EGLN1: variants seen among roughly 807,000 people sequenced by gnomAD.
EGLN1 encodes the protein egl-9 family hypoxia inducible factor 1.
Under a neutral mutation model 38.3 loss-of-function variants are expected in EGLN1, and 17 were observed. The observed-to-expected ratio is 0.44, with a 90% confidence interval of 0.30 to 0.67. The LOEUF (loss-of-function observed/expected upper bound fraction) is 0.67, where lower values mean the gene tolerates loss of function less well. Among genes scored for constraint, EGLN1 ranks in the 30% least tolerant of loss-of-function variants. The pLI, the probability that EGLN1 is intolerant of heterozygous loss-of-function variation, is 0.08. For missense variants in EGLN1, 477 were observed against 603.3 expected, an observed-to-expected ratio of 0.79 and a Z score of 2.19; for synonymous variants, 283 against 257.5, an observed-to-expected ratio of 1.10 and a Z score of -0.95.
chr1:231,387,417 T>G (rs1688249149), intron 1 of EGLN1, among the ~76,000 whole-genome samples: 1 of 150,458 alleles, frequency 6.6e-6, no homozygotes, highest in Non-Finnish European at 1.5e-5. Context: ...TGGAGTGCAG[T>G]GGCTTGATCT....
intron 1 of EGLN1, among the ~76,000 whole-genome samples, chr1:231,407,589 T>C (rs1023432252): frequency 6.6e-6 from 1 of 152,176 alleles, no homozygotes; most frequent in African/African-American, 2.4e-5. Flanking sequence ...TTATGTCTAT[T>C]ATGCTGTTTT....
At chr1:231,384,615 G>A (rs1688151208) in intron 1 of EGLN1, among the ~76,000 whole-genome samples, 1 of 152,102 alleles carries the variant, frequency 6.6e-6, no homozygotes, top group Non-Finnish European at 1.5e-5. Context: ...AGGGAGGAAA[G>A]CAGACAACAG....
At chr1:231,411,353 CTG>C (rs1318694946) in intron 1 of EGLN1, among the ~76,000 whole-genome samples, 1 of 152,210 alleles carries the variant, frequency 6.6e-6, no homozygotes, top group Non-Finnish European at 1.5e-5. Context: ...CCATGTGGAA[CTG>C]TGAGTCAATT....
At chr1:231,389,382 T>C (rs998905177) in intron 1 of EGLN1, among the ~76,000 whole-genome samples, 23 of 152,064 alleles carry the variant, frequency 1.5e-4, no homozygotes, top group African/African-American at 4.1e-4. Context: ...TGGGGACACA[T>C]TAGAGGGCGA....
chr1:231,421,949 C>G lies in EGLN1; in HGVS notation c.-61G>C. On this transcript the variant is annotated 5_prime_UTR_variant, in exon 1 of 5. Transcript: ENST00000366641. The surrounding 1 kb of genome is among the most constrained non-coding windows in gnomAD (Gnocchi z 5.5). ...CCGAGCAGGAGGGGTAGCGGCCGGA[C>G]GGCCTCGCCCGAGGCTGGGGAGCGG... 2 of 1,332,502 alleles carry G rather than the reference C, an allele frequency of 1.5e-6. No individual in the cohort carries two copies. Among genetic ancestry groups the G allele is most frequent in the Non-Finnish European group, 1.9e-6 (2 of 1,051,826 alleles). 82.5% of individuals were successfully genotyped at this position (1,332,502 alleles called of 1,614,324 possible).
chr1:231,378,482 G>T (rs189165769), intron 1 of EGLN1, among the ~76,000 whole-genome samples: 3 of 152,154 alleles, frequency 2.0e-5, no homozygotes, highest in Non-Finnish European at 4.4e-5. Context: ...CGTTTTCAGA[G>T]ACAAGGTCTC....
Position 231,376,448 on chromosome 1 carries a change from G to A in EGLN1, c.892-2349C>T, listed in dbSNP as rs562900679. ...AACAGCTCCAAAGTGCAAGAGTAGC[G>A]ATGCTGGCATACTGTTATAATTGTC... On this transcript the variant is annotated intron_variant, in intron 1 of 4. Coordinates refer to ENST00000366641, the MANE Select transcript of EGLN1 (RefSeq NM_022051.3). 7.9e-5 allele frequency among the ~76,000 whole-genome samples: 12 copies of A among 152,228 alleles called. No homozygotes were observed. The South Asian group carries it at 1.5e-3, about 18-fold the overall frequency.
Position 231,416,247 on chromosome 1 carries a change from C to T in EGLN1, c.891+4751G>A, listed in dbSNP as rs531379444. The stretch of plus-strand genomic sequence containing the variant: ...TCCTGGACTCAAGCTATCGTCCCAC[C>T]TCAGCCTCCCAGAGTGTTGGGAATT... On this transcript the variant is annotated intron_variant, in intron 1 of 4. Coordinates refer to ENST00000366641, the MANE Select transcript of EGLN1 (RefSeq NM_022051.3). 1.3e-4 allele frequency among the ~76,000 whole-genome samples: 20 copies of T among 152,120 alleles called. No individual in the cohort carries two copies. In the East Asian group the frequency reaches 3.9e-3, roughly 29 times the overall value.
At position 231,369,312 on chromosome 1, in the gene EGLN1, C is replaced by T. The variant is rs555117887; in HGVS notation, c.1148+1250G>A. ...ACTCCTGTAGCACTTAGCCTCCATG[C>T]CATCTGGCATTTATTTACTATAAAC... On this transcript the variant is annotated intron_variant, in intron 3 of 4. Transcript: ENST00000366641. 5.9e-5 allele frequency among the ~76,000 whole-genome samples: 9 copies of T among 152,300 alleles called. No individual in the cohort carries two copies. The South Asian group carries it at 1.9e-3, about 32-fold the overall frequency.
intron 1 of EGLN1, among the ~76,000 whole-genome samples, chr1:231,391,945 G>T: frequency 6.6e-6 from 1 of 152,158 alleles, no homozygotes; most frequent in African/African-American, 2.4e-5. Context: ...AAACAAAAGA[G>T]TTCTAGGACC....
chr1:231,367,823 T>A lies in EGLN1; in HGVS notation c.1149-187A>T, dbSNP rs185101343. On this transcript the variant is annotated intron_variant, in intron 3 of 4. Coordinates refer to ENST00000366641, the MANE Select transcript of EGLN1 (RefSeq NM_022051.3). ...GACTAAAATTGATGTCTGAAGTTGATGAGTTTTTGTGACTTTCTTAATACT... is the reference window on the plus strand; with the variant it reads ...GACTAAAATTGATGTCTGAAGTTGAAGAGTTTTTGTGACTTTCTTAATACT... 5.9e-3 allele frequency among the ~76,000 whole-genome samples: 899 copies of A among 152,334 alleles called. 35 individuals carry two copies. The highest frequency in any genetic ancestry group is 0.056 in the Admixed American group (852 of 15,294).
chr1:231,403,842 A>C (rs191064856), intron 1 of EGLN1, among the ~76,000 whole-genome samples: 1 of 151,848 alleles, frequency 6.6e-6, no homozygotes, highest in Admixed American at 6.6e-5. Flanking sequence ...AAAAGATAAC[A>C]CTACAAGTAT....
chr1:231,383,903 T>C (rs1014217485), intron 1 of EGLN1, among the ~76,000 whole-genome samples: 4 of 152,178 alleles, frequency 2.6e-5, no homozygotes, highest in Non-Finnish European at 4.4e-5. Context: ...TAAGAGATCC[T>C]GTACTTTAAA....
At position 231,395,829 on chromosome 1, in the gene EGLN1, G is replaced by A. The variant is rs1430900508; in HGVS notation, c.892-21730C>T. Among the ~76,000 whole-genome samples the A allele has an allele frequency of 2.6e-5, 4 of 152,114 alleles. No homozygotes were observed. The East Asian group carries it at 7.7e-4, about 29-fold the overall frequency. On this transcript the variant is annotated intron_variant, in intron 1 of 4. Transcript: ENST00000366641. ...TCTGGGCATCCATGCCAGACCTACT[G>A]ATTCAGAATCTCCACTTTAACAAGA...
At chr1:231,370,763 G>A (rs1687800529) in intron 2 of EGLN1, 65 bp from the exon 3 acceptor site, 3 of 1,537,136 alleles carry the variant, frequency 2.0e-6, no homozygotes, top group Non-Finnish European at 9.0e-7. Context: ...AATTTAGGGG[G>A]AAAAAAAGAG....
chr1:231,381,208 C>T (rs1279811647), intron 1 of EGLN1, among the ~76,000 whole-genome samples: 2 of 152,122 alleles, frequency 1.3e-5, no homozygotes, highest in African/African-American at 4.8e-5. Flanking sequence ...CACCTGGCCC[C>T]CTACTGATTT....
intron 1 of EGLN1, among the ~76,000 whole-genome samples, chr1:231,396,148 A>G (rs1442970197): frequency 6.6e-6 from 1 of 151,614 alleles, no homozygotes; most frequent in African/African-American, 2.4e-5. Context: ...TTGGTCTCTA[A>G]AACACCCCCG....
chr1:231,400,276 T>TTTTTTA (rs1688630862), intron 1 of EGLN1, among the ~76,000 whole-genome samples: 1 of 145,474 alleles, frequency 6.9e-6, no homozygotes, highest in African/African-American at 2.5e-5. Context: ...TGTCTTTAAA[T>TTTTTTA]TTTTTATTTT....
chr1:231,415,122 A>T (rs1689044800), intron 1 of EGLN1, among the ~76,000 whole-genome samples: 1 of 152,020 alleles, frequency 6.6e-6, no homozygotes, highest in African/African-American at 2.4e-5. Context: ...AAATTTAAGA[A>T]ATTATCCAGG....
Sources: allele counts gnomAD v4.1 joint callset (sites outside exome capture counted in the v4.1 genomes callset), GRCh38; gene constraint gnomAD v4.1.1; non-coding constraint Gnocchi (gnomAD v3.1); transcripts MANE v1.5; gene names NCBI Gene and HGNC (gene_info 2026-07-23, HGNC 2026-07-21).